IMMT: variants seen among roughly 807,000 people sequenced by gnomAD.
IMMT encodes MICOS complex subunit MIC60.
IMMT carries 40 observed loss-of-function variants against 92.7 expected under a neutral mutation model. The ratio of observed to expected loss-of-function variants is 0.43; its 90% CI spans 0.34 to 0.56. The LOEUF (loss-of-function observed/expected upper bound fraction) is 0.56. Ranked by LOEUF, IMMT falls within the 20% of genes least tolerant of loss-of-function variation. The pLI, the probability that IMMT is intolerant of heterozygous loss-of-function variation, is 0.03. For missense variants in IMMT, 831 were observed against 912.1 expected (o/e 0.91, Z 1.14); for synonymous variants, 322 against 336.1 (o/e 0.96, Z 0.46).
chr2:86,166,725 T>C, intron 6 of IMMT, 81 bp from the exon 7 acceptor site: 1 of 1,317,424 alleles, frequency 7.6e-7, no homozygotes, highest in Non-Finnish European at 1.0e-6. Flanking sequence ...TCCTATCTAG[T>C]CTTCCATTGC....
intron 7 of IMMT, among the ~76,000 whole-genome samples, chr2:86,162,467 T>G (rs917311095): frequency 6.6e-6 from 1 of 152,112 alleles, no homozygotes; most frequent in African/African-American, 2.4e-5. Flanking sequence ...GGAATTATTC[T>G]TCTTAATTTG....
rs1677067279 is a variant in IMMT at position 86,171,315 on chromosome 2, G to A, written c.452C>T (p.Ala151Val). The A allele has an allele frequency of 6.2e-7, 1 of 1,611,444 alleles. No homozygotes were observed. The highest frequency in any genetic ancestry group is 1.3e-5 in the African/African-American group (1 of 74,888). The change falls in exon 5 of 15, where the codon GCA (alanine) becomes GTA (valine). Residue 151 changes from alanine to valine, a missense_variant. Coordinates refer to ENST00000410111, the MANE Select transcript of IMMT (RefSeq NM_006839.3). ...APTEAAQIISAAGDTLSVPAP... is the reference protein window; with the variant it reads ...APTEAAQIISVAGDTLSVPAP... ...TGGGACCGACAGGGTATCACCTGCT[G>A]CAGAAATAATTTGAGCCGCTTCTGT... is the stretch of plus-strand genomic sequence containing the variant.
chr2:86,195,394 G>T lies in IMMT; in HGVS notation c.-12C>A, dbSNP rs1558848664. The T allele has an allele frequency of 6.5e-7, 1 of 1,547,650 alleles. No individual in the cohort carries two copies. The highest frequency in any genetic ancestry group is 8.7e-7 in the Non-Finnish European group (1 of 1,145,616). Reference sequence around the variant, plus strand: ...CAGGCCCGCAGCATCTCGGTCAAGCGGACGGCGCTGCTGGTGGACTCGAGC... The same window carrying T: ...CAGGCCCGCAGCATCTCGGTCAAGCTGACGGCGCTGCTGGTGGACTCGAGC... On this transcript the variant is annotated 5_prime_UTR_variant, in exon 1 of 15. Transcript: ENST00000410111.
intron 14 of IMMT, among the ~76,000 whole-genome samples, chr2:86,145,196 G>A (rs1449276243): frequency 1.3e-5 from 2 of 152,104 alleles, no homozygotes; most frequent in Non-Finnish European, 2.9e-5. Flanking sequence ...TTTCTGCAAA[G>A]AAATGGGAGA....
chr2:86,150,199 G>A (rs146191286), intron 12 of IMMT, among the ~76,000 whole-genome samples: 16 of 152,302 alleles, frequency 1.1e-4, no homozygotes, highest in Admixed American at 2.6e-4. Context: ...AATCAAGCTG[G>A]AGATACCAGG....
At chr2:86,185,994 G>A (rs913654459) in intron 1 of IMMT, among the ~76,000 whole-genome samples, 1 of 152,304 alleles carries the variant, frequency 6.6e-6, no homozygotes, top group South Asian at 2.1e-4. Context: ...ACTGCTGTGT[G>A]CCTCTTAGTT....
At chr2:86,178,475 A>T (rs1382132132) in intron 3 of IMMT, among the ~76,000 whole-genome samples, 1 of 151,540 alleles carries the variant, frequency 6.6e-6, no homozygotes, top group South Asian at 2.1e-4. Context: ...AAATACAAAA[A>T]ATTAGCCGGG....
At chr2:86,158,540 T>C (rs773502753) in intron 10 of IMMT, 52 bp downstream of exon 10, 6 of 1,454,528 alleles carry the variant, frequency 4.1e-6, no homozygotes, top group African/African-American at 2.8e-5. Context: ...TTTAGATTCA[T>C]TGATTAGTGG....
intron 1 of IMMT, among the ~76,000 whole-genome samples, chr2:86,192,383 A>G (rs116048194): frequency 0.012 from 1,834 of 152,278 alleles, 14 homozygotes; most frequent in Middle Eastern, 0.041. Context: ...CGAGGTGGGC[A>G]TATCACTTGA....
chr2:86,174,656 C>CGT (rs1256108443), intron 3 of IMMT, among the ~76,000 whole-genome samples: 1 of 152,106 alleles, frequency 6.6e-6, no homozygotes, highest in African/African-American at 2.4e-5. Flanking sequence ...CAAAAGCTCT[C>CGT]GTATATACAC....
chr2:86,190,967 C>CA (rs963274634), intron 1 of IMMT, among the ~76,000 whole-genome samples: 9 of 151,454 alleles, frequency 5.9e-5, no homozygotes, highest in Admixed American at 2.0e-4. Context: ...CCAGCCTGGG[C>CA]AAAGAATAAG....
In IMMT at chr2:86,155,213, A is replaced by G. The variant is rs117716088; in HGVS notation, c.1163-1639T>C. 2.6e-5 allele frequency among the ~76,000 whole-genome samples: 4 copies of G among 152,154 alleles called. No individual in the cohort carries two copies. In the East Asian group the frequency reaches 7.7e-4, roughly 29 times the overall value. ...GCATTCAACAAGTCCAAAGACAGGT[A>G]TTTTTCATCCAAGGGGCTCTGAACA... On this transcript the variant is annotated intron_variant, in intron 10 of 14. Transcript: ENST00000410111.
At chr2:86,161,216 C>T (rs1676247416) in intron 8 of IMMT, among the ~76,000 whole-genome samples, 1 of 152,098 alleles carries the variant, frequency 6.6e-6, no homozygotes. Context: ...GGCTGGAGTG[C>T]AGTGGCACAA....
chr2:86,192,433 C>A (rs1030049783), intron 1 of IMMT, among the ~76,000 whole-genome samples: 3 of 151,862 alleles, frequency 2.0e-5, no homozygotes, highest in Non-Finnish European at 4.4e-5. Flanking sequence ...CATAATGAGA[C>A]CCCATCTCTA....
chr2:86,180,946 T>A (rs1672398085), intron 2 of IMMT, among the ~76,000 whole-genome samples: 1 of 151,872 alleles, frequency 6.6e-6, no homozygotes, highest in Non-Finnish European at 1.5e-5. Flanking sequence ...CTTGCTTAAG[T>A]CACAATATGA....
intron 1 of IMMT, among the ~76,000 whole-genome samples, chr2:86,193,530 A>G (rs1573960093): frequency 6.6e-6 from 1 of 152,188 alleles, no homozygotes; most frequent in East Asian, 1.9e-4. Context: ...TGGGGATTAA[A>G]GTTCTGAGAG....
intron 10 of IMMT, among the ~76,000 whole-genome samples, chr2:86,154,377 G>T (rs978881436): frequency 6.9e-6 from 1 of 144,728 alleles, no homozygotes; most frequent in Non-Finnish European, 1.5e-5. Context: ...CACTATGTTG[G>T]CCAGGCTGGT....
intron 1 of IMMT, among the ~76,000 whole-genome samples, chr2:86,181,795 A>G (rs1008428674): frequency 6.6e-6 from 1 of 152,148 alleles, no homozygotes; most frequent in African/African-American, 2.4e-5. Flanking sequence ...CAGGATACAC[A>G]CTCAAGGGAC....
At chr2:86,157,725 T>G (rs1415836243) in intron 10 of IMMT, among the ~76,000 whole-genome samples, 1 of 145,860 alleles carries the variant, frequency 6.9e-6, no homozygotes, top group African/African-American at 2.6e-5. Flanking sequence ...GAGGCGGAGG[T>G]TGCAGTGAGC....
Sources: gnomAD v4.1 joint callset for allele counts (sites outside exome capture counted in the v4.1 genomes callset) on GRCh38, gnomAD v4.1.1 for gene constraint, MANE v1.5 for transcripts, NCBI Gene and HGNC (gene_info 2026-07-23, HGNC 2026-07-21) for gene names.